ELP2: variants seen among roughly 807,000 people sequenced by gnomAD.
ELP2 encodes elongator acetyltransferase complex subunit 2, also known as elongator complex protein 2.
ELP2 carries 90 observed loss-of-function variants against 119.2 expected under a neutral mutation model. The ratio of observed to expected loss-of-function variants is 0.75; its 90% CI spans 0.64 to 0.90. ELP2 has a LOEUF of 0.90. Ranked by LOEUF, ELP2 falls within the 40% of genes least tolerant of loss-of-function variation. ELP2 has a pLI of 0.00. For missense variants in ELP2, 921 were observed against 967.8 expected, an observed-to-expected ratio of 0.95 and a Z score of 0.64; for synonymous variants, 339 against 331.0, an observed-to-expected ratio of 1.02 and a Z score of -0.26.
chr18:36,139,235 T>C (rs2089938197), intron 5 of ELP2, among the ~76,000 whole-genome samples: 1 of 152,266 alleles, frequency 6.6e-6, no homozygotes, highest in African/African-American at 2.4e-5. Context: ...AGATGGCATA[T>C]GAGCATTTCT....
chr18:36,165,711 AT>A (rs1170563024), intron 18 of ELP2, among the ~76,000 whole-genome samples: 2 of 152,118 alleles, frequency 1.3e-5, no homozygotes, highest in African/African-American at 4.8e-5. Context: ...GTGAAACCCC[AT>A]CTCTACTAAA....
chr18:36,155,324 T>C (rs2090540109), intron 12 of ELP2, among the ~76,000 whole-genome samples: 1 of 139,912 alleles, frequency 7.1e-6, no homozygotes, highest in Non-Finnish European at 1.5e-5. Flanking sequence ...AGCCGGCCTC[T>C]TCTTATTTTA....
rs2091282191 is a variant in ELP2, at chr18:36,179,134, G to A, written c.*4493G>A. 1 of 152,216 alleles carries A rather than the reference G, an allele frequency of 6.6e-6. No homozygotes were observed. 9.4% of individuals were successfully genotyped at this position (152,216 alleles called of 1,614,324 possible). On this transcript the variant is annotated 3_prime_UTR_variant, in exon 22 of 22. Coordinates refer to ENST00000358232, the MANE Select transcript of ELP2 (RefSeq NM_018255.4). ...GATGGCTGCATGTGGTTGGTGGATA[G>A]AGGACTCTGAGCCCCACTCTGGTGG... is the stretch of plus-strand genomic sequence containing the variant.
intron 21 of ELP2, among the ~76,000 whole-genome samples, chr18:36,172,036 A>C (rs960285053): frequency 5.3e-5 from 8 of 152,122 alleles, no homozygotes; most frequent in Non-Finnish European, 1.2e-4. Context: ...TTATTCTTTA[A>C]AAATGCCTAA....
In ELP2 at chr18:36,175,105, A is replaced by G. The variant is rs1318096035; in HGVS notation, c.*464A>G. On this transcript the variant is annotated 3_prime_UTR_variant, in exon 22 of 22. Transcript: ENST00000358232. Reference sequence around the variant, plus strand: ...GCTTTGTTATATAACATATGCACACATACCCAGAATTTTGCACATATGTTC... The same window carrying G: ...GCTTTGTTATATAACATATGCACACGTACCCAGAATTTTGCACATATGTTC... The G allele has an allele frequency of 6.4e-6, 1 of 155,586 alleles. No individual in the cohort carries two copies. Among genetic ancestry groups the G allele is most frequent in the African/African-American group, 2.4e-5 (1 of 41,484 alleles). 9.6% of individuals were successfully genotyped at this position (155,586 alleles called of 1,614,324 possible).
intron 17 of ELP2, 137 bp from the exon 18 acceptor site, chr18:36,164,338 T>C (rs2090828623): frequency 1.3e-6 from 1 of 749,470 alleles, no homozygotes; most frequent in Non-Finnish European, 2.3e-6. Context: ...TTGTAGTATG[T>C]TATCTCCTAG....
chr18:36,148,308 G>C (rs1219932543), intron 11 of ELP2, among the ~76,000 whole-genome samples: 1 of 151,946 alleles, frequency 6.6e-6, no homozygotes, highest in Non-Finnish European at 1.5e-5. Context: ...TTAGCACCTC[G>C]TGATCTGCCC....
intron 12 of ELP2, among the ~76,000 whole-genome samples, chr18:36,155,204 G>GGTTTCACCA (rs1276969826): frequency 1.3e-5 from 2 of 150,084 alleles, no homozygotes; most frequent in African/African-American, 4.9e-5. Flanking sequence ...GTAGAGATGG[G>GGTTTCACCA]GTTTCACCAT....
intron 16 of ELP2, 134 bp from the exon 17 acceptor site, chr18:36,160,798 C>G (rs1214082295): frequency 1.5e-6 from 1 of 657,410 alleles, no homozygotes; most frequent in Non-Finnish European, 2.7e-6. Context: ...TTTGCCTAGA[C>G]AAACATACAA....
At chr18:36,147,113 G>T (rs1331011950) in intron 11 of ELP2, among the ~76,000 whole-genome samples, 1 of 146,890 alleles carries the variant, frequency 6.8e-6, no homozygotes, top group Non-Finnish European at 1.5e-5. Flanking sequence ...CTTTTAACAG[G>T]ATCTTACTCT....
chr18:36,130,097 C>T, intron 1 of ELP2, 26 bp downstream of exon 1: 1 of 1,613,810 alleles, frequency 6.2e-7, no homozygotes, highest in African/African-American at 1.3e-5. Context: ...GGACGGCCGA[C>T]CCTTGTGCTT....
chr18:36,148,997 AAGGAGTAGCCTC>A (rs1160796980), intron 11 of ELP2, among the ~76,000 whole-genome samples: 11 of 152,364 alleles, frequency 7.2e-5, no homozygotes, highest in African/African-American at 2.4e-4. Flanking sequence ...CAGGTTTCAG[AAGGAGTAGCCTC>A]AGTCAATATT....
At position 36,136,517 on chromosome 18, in the gene ELP2, A is replaced by G. The variant is rs556916818; in HGVS notation, c.288+140A>G. The stretch of plus-strand genomic sequence containing the variant: ...CTCAGCCTCCTAAGTAGCTGGGACT[A>G]CAGGTGCCTGACACCATGCCTGGCT... On this transcript the variant is annotated intron_variant, in intron 3 of 21. Transcript: ENST00000358232. 4.1e-5 allele frequency: 30 copies of G among 737,060 alleles called. No homozygotes were observed. The South Asian group carries it at 4.3e-4, about 11-fold the overall frequency. The allele number at this position is 737,060 out of a possible 1,614,324, so 45.7% of individuals were successfully genotyped here.
At chr18:36,168,955 G>A (rs894092327) in intron 19 of ELP2, among the ~76,000 whole-genome samples, 22 of 89,734 alleles carry the variant, frequency 2.5e-4, no homozygotes, top group Non-Finnish European at 2.4e-4. Context: ...ATGGAGTTTC[G>A]CTCTTGTTGC....
chr18:36,145,640 A>T (rs1055943762), intron 9 of ELP2, among the ~76,000 whole-genome samples: 61 of 152,312 alleles, frequency 4.0e-4, no homozygotes, highest in African/African-American at 1.4e-3. Context: ...AAAACAAAAA[A>T]AATTGGAATT....
rs751908005 is a variant in ELP2 at position 36,155,009 on chromosome 18, CTTAT to C, written c.1275+25_1275+28del. The C allele has an allele frequency of 3.4e-5, 55 of 1,606,630 alleles. No homozygotes were observed. The highest frequency in any genetic ancestry group is 6.7e-5 in the East Asian group (3 of 44,784). The stretch of plus-strand genomic sequence containing the variant: ...AAAAGACCAATCACAGGTAAAATGT[CTTAT>C]TTATTTATTTATTTTTTCTTGGGAC... On this transcript the variant is annotated intron_variant, in intron 12 of 21. Transcript: ENST00000358232.
intron 11 of ELP2, among the ~76,000 whole-genome samples, chr18:36,152,260 T>A (rs1567999997): frequency 6.6e-6 from 1 of 152,118 alleles, no homozygotes; most frequent in Non-Finnish European, 1.5e-5. Flanking sequence ...ATTCTTTGTT[T>A]CTTAATAACC....
At chr18:36,131,641 G>A (rs2144549095) in intron 1 of ELP2, among the ~76,000 whole-genome samples, 1 of 152,358 alleles carries the variant, frequency 6.6e-6, no homozygotes, top group South Asian at 2.1e-4. Context: ...TTACGGCAGA[G>A]GAAGCATCTT....
intron 18 of ELP2, chr18:36,166,753 T>C (rs2090920640): frequency 6.1e-6 from 1 of 164,094 alleles, no homozygotes; most frequent in Admixed American, 6.3e-5. Context: ...TGCATTAATC[T>C]TTTTTCTATA....
Sources: gnomAD v4.1 joint callset for allele counts (sites outside exome capture counted in the v4.1 genomes callset) on GRCh38, gnomAD v4.1.1 for gene constraint, MANE v1.5 for transcripts, NCBI Gene and HGNC (gene_info 2026-07-23, HGNC 2026-07-21) for gene names.